The following LRCH2 variants were observed in gnomAD, a reference collection of about 807,000 sequenced individuals.
LRCH2 encodes the protein leucine rich repeats and calponin homology domain containing 2, also known as leucine-rich repeat and calponin homology domain-containing protein 2.
In LRCH2, 38 loss-of-function variants were observed where a neutral mutation model predicts 68.9. The ratio of observed to expected loss-of-function variants is 0.55; its 90% confidence interval spans 0.43 to 0.72. LRCH2 has a LOEUF of 0.72. Ranked by LOEUF, LRCH2 falls within the 30% of genes least tolerant of loss-of-function variation. The probability of loss-of-function intolerance (pLI) is 0.00; values close to 1 mark genes in which losing one functional copy is unlikely to be tolerated. For synonymous variants in LRCH2, 191 were observed against 208.1 expected, an observed-to-expected ratio of 0.92 and a Z score of 0.71; for missense variants, 528 against 572.9, an observed-to-expected ratio of 0.92 and a Z score of 0.80.
At chrX:115,192,625 G>C in intron 1 of LRCH2, 4 of 1,170,065 alleles carry the variant, frequency 3.4e-6, no homozygotes, top group Non-Finnish European at 3.4e-6. Flanking sequence ...CGAGAGGGGG[G>C]AAGGCCGGAG....
In LRCH2 at chrX:115,230,428, T is replaced by C. The variant is rs782544091; in HGVS notation, c.349+3265A>G. Among the ~76,000 whole-genome samples, 12 of 111,194 alleles carry C rather than the reference T, an allele frequency of 1.1e-4. No homozygotes were observed. The East Asian group carries it at 3.4e-3, about 32-fold the overall frequency. The stretch of plus-strand genomic sequence containing the variant: ...AGAGAGGCTGCCATAATCATTTACC[T>C]GAGCTCTATCCCAATAAAGTAAGAG... On this transcript the variant is annotated intron_variant, in intron 1 of 20. Coordinates refer to ENST00000317135, the MANE Select transcript of LRCH2 (RefSeq NM_020871.4).
intron 1 of LRCH2, among the ~76,000 whole-genome samples, chrX:115,221,280 T>C (rs1310492776): frequency 9.7e-5 from 10 of 103,153 alleles, no homozygotes; most frequent in African/African-American, 3.6e-4. Flanking sequence ...TAAAGTTTAA[T>C]ACTCATATAT....
At chrX:115,211,043 G>A (rs2073003636) in intron 1 of LRCH2, among the ~76,000 whole-genome samples, 2 of 112,161 alleles carry the variant, frequency 1.8e-5, no homozygotes, top group South Asian at 7.4e-4. Flanking sequence ...GTCTTGCCTT[G>A]TCTCAGGTGA....
chrX:115,149,233 C>A (rs1556537561), intron 14 of LRCH2, among the ~76,000 whole-genome samples: 1 of 111,106 alleles, frequency 9.0e-6, no homozygotes, highest in Non-Finnish European at 1.9e-5. Flanking sequence ...ATACAGCAGA[C>A]CCCAATCACA....
At chrX:115,161,901 T>C (rs1827405554) in intron 11 of LRCH2, among the ~76,000 whole-genome samples, 1 of 106,532 alleles carries the variant, frequency 9.4e-6, no homozygotes, top group Non-Finnish European at 1.9e-5. Context: ...CTATTCCTAA[T>C]ACCACGAGAA....
In LRCH2 at chrX:115,189,590, G is replaced by A. The variant is rs782063262; in HGVS notation, c.350-1220C>T. 3.4e-6 allele frequency: 4 copies of A among 1,169,748 alleles called. No individual in the cohort carries two copies. In the South Asian group the frequency reaches 7.6e-5, roughly 22 times the overall value. On this transcript the variant is annotated intron_variant, in intron 1 of 20. Transcript: ENST00000317135. The stretch of plus-strand genomic sequence containing the variant: ...GACCGAAAAACCAACAAGTCGAGGG[G>A]CTTCGCGTTCGTCACCTTCGAAAGC...
At chrX:115,197,134 GAA>G (rs2072893246) in intron 1 of LRCH2, among the ~76,000 whole-genome samples, 1 of 111,427 alleles carries the variant, frequency 9.0e-6, no homozygotes, top group African/African-American at 3.3e-5. Context: ...ATATCTTCAA[GAA>G]AAAAGTCCCC....
chrX:115,113,305 C>A lies in LRCH2; in HGVS notation c.2209G>T (p.Glu737Ter). Residue 737 changes from glutamate (E) to a stop codon, truncating the protein, a stop_gained, in exon 21 of 21, where the codon GAA becomes TAA. Coordinates refer to ENST00000317135, the MANE Select transcript of LRCH2 (RefSeq NM_020871.4). LOFTEE classifies it high-confidence loss of function. ...ERLCLPHHILEERGLVKVGVT... is the reference protein window; with the variant it reads ...ERLCLPHHIL ...CCAACTTTCACAAGTCCTCGTTCTT[C>A]CAAAATATGATGAGGCAAACAAAGT... The A allele has an allele frequency of 8.4e-7, 1 of 1,192,382 alleles. No individual in the cohort carries two copies. Among genetic ancestry groups the A allele is most frequent in the East Asian group, 3.0e-5 (1 of 33,485 alleles).
At chrX:115,161,209 C>G (rs2072516617) in intron 11 of LRCH2, among the ~76,000 whole-genome samples, 1 of 110,935 alleles carries the variant, frequency 9.0e-6, no homozygotes, top group Non-Finnish European at 1.9e-5. Context: ...AAAAAAATAG[C>G]CGGGTGTGGT....
intron 1 of LRCH2, among the ~76,000 whole-genome samples, chrX:115,195,903 A>G (rs958504794): frequency 1.9e-4 from 21 of 111,929 alleles, no homozygotes; most frequent in African/African-American, 6.2e-4. Context: ...CCTGGGTCCC[A>G]CACAATTCCT....
At chrX:115,226,219 A>G (rs143627328) in intron 1 of LRCH2, among the ~76,000 whole-genome samples, 1,716 of 111,983 alleles carry the variant, frequency 0.015, 34 homozygotes, top group African/African-American at 0.053. Context: ...ACAGCCATCC[A>G]AAAGAATGAA....
chrX:115,130,107 TATG>T (rs782330250), intron 15 of LRCH2, 45 bp downstream of exon 15: 80 of 765,410 alleles, frequency 1.0e-4, no homozygotes, highest in South Asian at 1.4e-4. Flanking sequence ...GCCAACTTCA[TATG>T]ATAAGTAAAC....
intron 14 of LRCH2, among the ~76,000 whole-genome samples, chrX:115,138,318 G>T (rs782273154): frequency 2.7e-5 from 3 of 111,556 alleles, no homozygotes; most frequent in Non-Finnish European, 5.6e-5. Context: ...GGCCCAGTTT[G>T]TTACCATTAG....
chrX:115,188,102 C>A, intron 2 of LRCH2, 124 bp downstream of exon 2: 1 of 480,734 alleles, frequency 2.1e-6, no homozygotes, highest in Non-Finnish European at 3.3e-6. Context: ...ATATAAAAAA[C>A]ACAAATAAGA....
At chrX:115,156,518 A>T in intron 12 of LRCH2, 84 bp downstream of exon 12, 1 of 531,062 alleles carries the variant, frequency 1.9e-6, no homozygotes, top group Non-Finnish European at 2.9e-6. Flanking sequence ...TTATTTAATT[A>T]AAGCCTATAT....
At chrX:115,216,416 A>G (rs2073042241) in intron 1 of LRCH2, among the ~76,000 whole-genome samples, 1 of 112,415 alleles carries the variant, frequency 8.9e-6, no homozygotes, top group Non-Finnish European at 1.9e-5. Context: ...AATGTTCTAC[A>G]ATAAGCAAGC....
At chrX:115,152,455 A>G (rs1359264732) in intron 12 of LRCH2, among the ~76,000 whole-genome samples, 1 of 112,069 alleles carries the variant, frequency 8.9e-6, no homozygotes, top group Non-Finnish European at 1.9e-5. Context: ...GACATAATCA[A>G]ACTTCTAGAA....
chrX:115,174,006 T>C (rs2147398095), intron 5 of LRCH2, among the ~76,000 whole-genome samples: 1 of 112,460 alleles, frequency 8.9e-6, no homozygotes, highest in South Asian at 3.7e-4. Context: ...CAACTGTTTG[T>C]TATTGATAAG....
At chrX:115,129,376 T>C (rs1048003495) in intron 15 of LRCH2, among the ~76,000 whole-genome samples, 9 of 111,549 alleles carry the variant, frequency 8.1e-5, no homozygotes, top group Non-Finnish European at 1.3e-4. Flanking sequence ...TTGCCAAGCA[T>C]ACCCATACAA....
Sources: gnomAD v4.1 joint callset for allele counts (sites outside exome capture counted in the v4.1 genomes callset) on GRCh38, gnomAD v4.1.1 for gene constraint, MANE v1.5 for transcripts, NCBI Gene and HGNC (gene_info 2026-07-23, HGNC 2026-07-21) for gene names.